The following CSMD1 variants were observed in gnomAD, a reference collection of about 807,000 sequenced individuals.
CSMD1 encodes the protein CUB and sushi domain-containing protein 1.
CSMD1 carries 213 observed loss-of-function variants against 417.5 expected under a neutral mutation model. The observed-to-expected ratio is 0.51, with a 90% CI of 0.46 to 0.57. The LOEUF (loss-of-function observed/expected upper bound fraction) is 0.57. Ranked by LOEUF, CSMD1 falls within the 20% of genes least tolerant of loss-of-function variation. The pLI is 0.00. For synonymous variants in CSMD1, 2,862 were observed against 1,736.8 expected (o/e 1.65, Z -16.11); for missense variants, 6,923 against 4,529.7 (o/e 1.53, Z -15.17).
intron 5 of CSMD1, among the ~76,000 whole-genome samples, chr8:3,956,234 T>C (rs1811937049): frequency 6.8e-6 from 1 of 147,946 alleles, no homozygotes; most frequent in Non-Finnish European, 1.5e-5. Flanking sequence ...CAGGTGGTGT[T>C]GTTAACTTTT....
At chr8:4,970,356 A>G (rs1266960941) in intron 1 of CSMD1, among the ~76,000 whole-genome samples, 1 of 152,154 alleles carries the variant, frequency 6.6e-6, no homozygotes, top group African/African-American at 2.4e-5. Flanking sequence ...GAACAAAAAG[A>G]TTCAAAAATG....
chr8:3,283,005 G>A lies in CSMD1; in HGVS notation c.4153+1139C>T, dbSNP rs150582642. 4.6e-5 allele frequency among the ~76,000 whole-genome samples: 7 copies of A among 152,228 alleles called. No individual in the cohort carries two copies. In the East Asian group the frequency reaches 7.7e-4, roughly 17 times the overall value. The stretch of plus-strand genomic sequence containing the variant: ...CCGAAGGGCACTAAAAGGCTGAACT[G>A]CCACAAAATATCTCCACTCCTTCCT... On this transcript the variant is annotated intron_variant, in intron 26 of 69. Coordinates refer to ENST00000635120, the MANE Select transcript of CSMD1 (RefSeq NM_033225.6).
At chr8:4,002,897 T>C (rs1815802511) in intron 4 of CSMD1, among the ~76,000 whole-genome samples, 1 of 152,212 alleles carries the variant, frequency 6.6e-6, no homozygotes, top group South Asian at 2.1e-4. Flanking sequence ...TAAAATATAA[T>C]ATATGGTCTC....
chr8:4,328,569 T>G (rs960803194), intron 3 of CSMD1, among the ~76,000 whole-genome samples: 3 of 152,058 alleles, frequency 2.0e-5, no homozygotes, highest in African/African-American at 7.2e-5. Flanking sequence ...CCACAACAAT[T>G]TAAAAAAATG....
chr8:3,324,540 A>G (rs149756), intron 23 of CSMD1, among the ~76,000 whole-genome samples: 26,663 of 137,630 alleles, frequency 0.19, 2,959 homozygotes, highest in Non-Finnish European at 0.25. Context: ...TCTTCCCCCC[A>G]CCATTCGTCA....
intron 3 of CSMD1, among the ~76,000 whole-genome samples, chr8:4,189,187 G>A (rs547533049): frequency 7.4e-4 from 112 of 152,332 alleles, no homozygotes; most frequent in African/African-American, 2.4e-3. Context: ...GCACGTAAGT[G>A]CCCAGCTATG....
At chr8:3,931,961 T>A (rs1810180376) in intron 5 of CSMD1, among the ~76,000 whole-genome samples, 1 of 149,742 alleles carries the variant, frequency 6.7e-6, no homozygotes, top group Admixed American at 6.6e-5. Context: ...AAAGGACTTT[T>A]TAAAAAATTA....
intron 2 of CSMD1, among the ~76,000 whole-genome samples, chr8:4,527,171 T>G (rs1203675260): frequency 6.6e-6 from 1 of 152,196 alleles, no homozygotes; most frequent in Non-Finnish European, 1.5e-5. Flanking sequence ...AGTGCACATA[T>G]AATTCTTCCT....
intron 1 of CSMD1, among the ~76,000 whole-genome samples, chr8:4,791,524 T>C (rs2117235464): frequency 6.6e-6 from 1 of 152,286 alleles, no homozygotes; most frequent in East Asian, 1.9e-4. Flanking sequence ...CCCCTAAAGT[T>C]GTATAAGAGC....
chr8:4,036,301 C>A (rs756605786), intron 3 of CSMD1, among the ~76,000 whole-genome samples: 1 of 151,760 alleles, frequency 6.6e-6, no homozygotes. Context: ...TCAAGCCTCC[C>A]ACTTTATCAT....
At chr8:4,972,597 A>G (rs1810308556) in intron 1 of CSMD1, among the ~76,000 whole-genome samples, 1 of 152,004 alleles carries the variant, frequency 6.6e-6, no homozygotes, top group South Asian at 2.1e-4. Context: ...AAATTATCTC[A>G]CCTCAGGCAG....
At chr8:4,234,019 T>C (rs1043119329) in intron 3 of CSMD1, among the ~76,000 whole-genome samples, 1 of 152,048 alleles carries the variant, frequency 6.6e-6, no homozygotes, top group East Asian at 1.9e-4. Context: ...GGTTCTGGCA[T>C]CTGGTTAAGA....
intron 5 of CSMD1, among the ~76,000 whole-genome samples, chr8:3,872,885 GGACA>G (rs1234707030): frequency 6.7e-6 from 1 of 150,018 alleles, no homozygotes; most frequent in Non-Finnish European, 1.5e-5. Context: ...ATTAAAAAGT[GGACA>G]AACAACATGA....
chr8:4,707,508 G>A (rs893710561), intron 1 of CSMD1, among the ~76,000 whole-genome samples: 2 of 152,164 alleles, frequency 1.3e-5, no homozygotes, highest in African/African-American at 4.8e-5. Context: ...ATCAGCGTAG[G>A]AGTCCGTGAA....
intron 5 of CSMD1, among the ~76,000 whole-genome samples, chr8:3,835,548 T>A (rs1275782662): frequency 6.6e-6 from 1 of 151,904 alleles, no homozygotes; most frequent in Non-Finnish European, 1.5e-5. Context: ...AAAGGGAACA[T>A]CGCACCTCAG....
At chr8:3,409,327 C>A in intron 13 of CSMD1, 96 bp downstream of exon 13, 1 of 1,168,500 alleles carries the variant, frequency 8.6e-7, no homozygotes, top group South Asian at 2.6e-5. Context: ...CTGAAAGCTG[C>A]CCTCCCTAAA....
At chr8:4,212,347 C>G (rs1431146851) in intron 3 of CSMD1, among the ~76,000 whole-genome samples, 1 of 151,876 alleles carries the variant, frequency 6.6e-6, no homozygotes, top group Non-Finnish European at 1.5e-5. Flanking sequence ...GAAGAAAATC[C>G]CACCAATTAA....
intron 5 of CSMD1, among the ~76,000 whole-genome samples, chr8:3,954,103 G>A (rs755710418): frequency 1.3e-5 from 2 of 151,852 alleles, no homozygotes; most frequent in Admixed American, 6.5e-5. Context: ...GCCTAGGAAC[G>A]TGGCCAGTGG....
At chr8:4,045,785 T>G (rs145128283) in intron 3 of CSMD1, among the ~76,000 whole-genome samples, 1 of 152,316 alleles carries the variant, frequency 6.6e-6, no homozygotes, top group African/African-American at 2.4e-5. Flanking sequence ...ACTTTAAAGC[T>G]ATTTCCAGAC....
Sources: gnomAD v4.1 joint callset for allele counts (sites outside exome capture counted in the v4.1 genomes callset) on GRCh38, gnomAD v4.1.1 for gene constraint, MANE v1.5 for transcripts, NCBI Gene and HGNC (gene_info 2026-07-23, HGNC 2026-07-21) for gene names.